CTNNA2: variants seen among roughly 807,000 people sequenced by gnomAD.
The protein encoded by CTNNA2 is catenin alpha-2.
Under a neutral mutation model 101.0 loss-of-function variants are expected in CTNNA2, and 42 were observed. The observed-to-expected ratio is 0.42, with a 90% CI of 0.32 to 0.54. The LOEUF (loss-of-function observed/expected upper bound fraction) is 0.54, where lower values mean the gene tolerates loss of function less well. Ranked by LOEUF, CTNNA2 falls within the 20% of genes least tolerant of loss-of-function variation. CTNNA2 has a pLI of 0.14. For missense variants in CTNNA2, 871 were observed against 1,223.1 expected (o/e 0.71, Z 4.29); for synonymous variants, 450 against 456.4 (o/e 0.99, Z 0.18).
chr2:80,240,066 T>TGC (rs1670795149), intron 7 of CTNNA2, among the ~76,000 whole-genome samples: 1 of 152,238 alleles, frequency 6.6e-6, no homozygotes, highest in African/African-American at 2.4e-5. Context: ...AGTGAAAGCG[T>TGC]GCATAAGTGG....
chr2:80,553,712 G>C lies in CTNNA2; in HGVS notation c.1541-1981G>C, dbSNP rs182183190. ...TGATTTTGACACAAATCCTTTTCTAGTTACTTACTCTCAAGGGCCAGGACA... is the reference window on the plus strand; with the variant it reads ...TGATTTTGACACAAATCCTTTTCTACTTACTTACTCTCAAGGGCCAGGACA... On this transcript the variant is annotated intron_variant, in intron 11 of 18. Transcript: ENST00000402739. Among the ~76,000 whole-genome samples, 156 of 152,212 alleles carry C rather than the reference G, an allele frequency of 1.0e-3. 2 individuals carry two copies. The highest frequency in any genetic ancestry group is 0.01 in the Admixed American group (153 of 15,288).
At chr2:80,237,529 T>C (rs1268684992) in intron 7 of CTNNA2, among the ~76,000 whole-genome samples, 1 of 152,174 alleles carries the variant, frequency 6.6e-6, no homozygotes, top group Non-Finnish European at 1.5e-5. Flanking sequence ...GCAATAGTAG[T>C]AGGAGAGGTA....
At position 80,574,120 on chromosome 2, in the gene CTNNA2, A is replaced by G. The variant is rs759552529; in HGVS notation, c.1742-43A>G. On this transcript the variant is annotated intron_variant, in intron 12 of 18. Coordinates refer to ENST00000402739, the MANE Select transcript of CTNNA2 (RefSeq NM_001282597.3). ...CCAAGAGCTGGAATAAGAGGTAGTG[A>G]GAGAGAAATTGCCTAATCCTCTGCT... 2.5e-6 allele frequency: 4 copies of G among 1,582,920 alleles called. No homozygotes were observed. The African/African-American group carries it at 5.4e-5, about 21-fold the overall frequency.
At chr2:79,214,175 T>C (rs1053911725) in intron 2 of CTNNA2, among the ~76,000 whole-genome samples, 3 of 152,166 alleles carry the variant, frequency 2.0e-5, no homozygotes, top group Admixed American at 6.5e-5. Context: ...GGAAGAAATT[T>C]AGGCTTGACT....
At chr2:79,863,302 G>C (rs1340753922) in intron 4 of CTNNA2, among the ~76,000 whole-genome samples, 1 of 152,166 alleles carries the variant, frequency 6.6e-6, no homozygotes, top group Non-Finnish European at 1.5e-5. Flanking sequence ...AGCTGGAAAT[G>C]GGATCAGTTT....
intron 7 of CTNNA2, among the ~76,000 whole-genome samples, chr2:80,357,552 T>C (rs1240486238): frequency 6.6e-6 from 1 of 152,104 alleles, no homozygotes; most frequent in Non-Finnish European, 1.5e-5. Context: ...AACTGGTTCT[T>C]CTTCCCTGCT....
intron 2 of CTNNA2, among the ~76,000 whole-genome samples, chr2:79,225,965 T>C (rs762717522): frequency 4.6e-5 from 7 of 152,174 alleles, no homozygotes; most frequent in Admixed American, 2.6e-4. Flanking sequence ...TTTTAAATCT[T>C]ATACCACAAA....
intron 4 of CTNNA2, among the ~76,000 whole-genome samples, chr2:79,434,130 TA>T (rs1207672352): frequency 6.6e-6 from 1 of 151,254 alleles, no homozygotes; most frequent in Non-Finnish European, 1.5e-5. Flanking sequence ...CCATTTCTAC[TA>T]AAAATACAAA....
intron 7 of CTNNA2, among the ~76,000 whole-genome samples, chr2:80,163,380 G>A (rs1316240336): frequency 6.6e-6 from 1 of 152,092 alleles, no homozygotes; most frequent in African/African-American, 2.4e-5. Flanking sequence ...ATTAAGAAGT[G>A]TGTTGTTTAG....
intron 7 of CTNNA2, among the ~76,000 whole-genome samples, chr2:80,262,144 A>G (rs762325309): frequency 6.6e-6 from 1 of 152,132 alleles, no homozygotes; most frequent in Non-Finnish European, 1.5e-5. Context: ...AAGACCTACT[A>G]TTAACATTTT....
intron 4 of CTNNA2, among the ~76,000 whole-genome samples, chr2:79,865,253 A>G (rs1681951623): frequency 6.6e-6 from 1 of 152,254 alleles, no homozygotes; most frequent in Non-Finnish European, 1.5e-5. Context: ...AATATAAAGT[A>G]TGATAATGCT....
At chr2:79,913,969 C>T (rs910200847) in intron 7 of CTNNA2, among the ~76,000 whole-genome samples, 2 of 151,840 alleles carry the variant, frequency 1.3e-5, no homozygotes, top group African/African-American at 4.8e-5. Flanking sequence ...AGATCGAGAC[C>T]ATCCCGGCTA....
Position 80,365,571 on chromosome 2 carries a change from G to GAA in CTNNA2, c.1057-27627_1057-27626dup, listed in dbSNP as rs3040567. Among the ~76,000 whole-genome samples, 1,209 of 135,878 alleles carry GAA rather than the reference G, an allele frequency of 8.9e-3. 21 individuals carry two copies. The highest frequency in any genetic ancestry group is 0.028 in the African/African-American group (1,075 of 38,996). The allele number at this position is 135,878 out of a possible 152,430, so 89.1% of individuals were successfully genotyped here. A position where few individuals can be genotyped will look rare whatever the true frequency, so the allele number is the denominator to read the frequency against. On this transcript the variant is annotated intron_variant, in intron 7 of 18. Coordinates refer to ENST00000402739, the MANE Select transcript of CTNNA2 (RefSeq NM_001282597.3). Reference sequence around the variant, plus strand: ...ACAACATGATAGTTTGTGTTTTTTGGAAAAAAAAAAAAAACAACAACAACT... The same window carrying GAA: ...ACAACATGATAGTTTGTGTTTTTTGGAAAAAAAAAAAAAAAACAACAACAACT...
At chr2:79,673,787 C>G (rs1281047224) in intron 2 of CTNNA2, among the ~76,000 whole-genome samples, 2 of 152,216 alleles carry the variant, frequency 1.3e-5, no homozygotes, top group East Asian at 1.9e-4. Context: ...ATTGCAATGA[C>G]TTTCCTTCTT....
chr2:79,253,829 G>A (rs185869715), intron 2 of CTNNA2, among the ~76,000 whole-genome samples: 30 of 152,276 alleles, frequency 2.0e-4, no homozygotes, highest in African/African-American at 6.7e-4. Flanking sequence ...ATTTGTCGGT[G>A]ATAGAGTTTA....
intron 12 of CTNNA2, among the ~76,000 whole-genome samples, chr2:80,570,220 T>A (rs1179382105): frequency 6.6e-6 from 1 of 152,112 alleles, no homozygotes; most frequent in Non-Finnish European, 1.5e-5. Flanking sequence ...GGCTATGTTT[T>A]GTATTTTTAG....
At chr2:79,286,535 A>C (rs1055978678) in intron 2 of CTNNA2, among the ~76,000 whole-genome samples, 2 of 151,852 alleles carry the variant, frequency 1.3e-5, no homozygotes, top group African/African-American at 4.8e-5. Flanking sequence ...CTGGATATGA[A>C]ATTCTGGGTT....
chr2:80,598,233 A>G (rs933164266), intron 15 of CTNNA2, among the ~76,000 whole-genome samples: 13 of 152,162 alleles, frequency 8.5e-5, no homozygotes, highest in African/African-American at 3.1e-4. Context: ...GTTCTCACTC[A>G]TAAGTAGGAG....
chr2:79,637,095 G>GCATT (rs1680124691), intron 1 of CTNNA2: 1 of 152,186 alleles, frequency 6.6e-6, no homozygotes, highest in African/African-American at 2.4e-5. Context: ...AGTGGAACAG[G>GCATT]CATTATAGAC....
Sources: allele counts gnomAD v4.1 joint callset (sites outside exome capture counted in the v4.1 genomes callset), GRCh38; gene constraint gnomAD v4.1.1; transcripts MANE v1.5; gene names NCBI Gene and HGNC (gene_info 2026-07-23, HGNC 2026-07-21).